Variants in ADK observed in about 807,000 individuals in gnomAD.
The protein encoded by ADK is N6,N6-dimethyladenosine kinase.
In ADK, 24 loss-of-function variants were observed where a neutral mutation model predicts 44.7. The observed-to-expected ratio is 0.54, with a 90% CI of 0.39 to 0.76. The LOEUF (loss-of-function observed/expected upper bound fraction) is 0.76. Ranked by LOEUF, ADK falls within the 30% of genes least tolerant of loss-of-function variation. ADK has a pLI of 0.00. For missense variants in ADK, 321 were observed against 425.1 expected, an observed-to-expected ratio of 0.76 and a Z score of 2.15; for synonymous variants, 128 against 142.6, an observed-to-expected ratio of 0.90 and a Z score of 0.73.
At chr10:74,414,022 G>T (rs556737160) in intron 6 of ADK, among the ~76,000 whole-genome samples, 1 of 152,266 alleles carries the variant, frequency 6.6e-6, no homozygotes, top group Admixed American at 6.5e-5. Flanking sequence ...CATCTTCTAT[G>T]GGTGTGGTTT....
chr10:74,342,663 CAG>C (rs1841619153), intron 4 of ADK, among the ~76,000 whole-genome samples: 2 of 152,046 alleles, frequency 1.3e-5, no homozygotes, highest in Non-Finnish European at 2.9e-5. Flanking sequence ...TTTGTAGAGA[CAG>C]AGTCTTGCCA....
At chr10:74,337,229 A>G (rs1841438864) in intron 4 of ADK, among the ~76,000 whole-genome samples, 1 of 152,234 alleles carries the variant, frequency 6.6e-6, no homozygotes, top group Admixed American at 6.5e-5. Context: ...AACTAACACA[A>G]TAGGTTGCTG....
At chr10:74,221,231 C>T (rs1228714862) in intron 2 of ADK, among the ~76,000 whole-genome samples, 4 of 151,736 alleles carry the variant, frequency 2.6e-5, no homozygotes, top group African/African-American at 4.9e-5. Context: ...CAATAACAGA[C>T]AAACAGAGAG....
At chr10:74,693,022 G>A (rs1392873251) in intron 10 of ADK, among the ~76,000 whole-genome samples, 2 of 152,172 alleles carry the variant, frequency 1.3e-5, no homozygotes, top group Non-Finnish European at 2.9e-5. Flanking sequence ...TGAATAGGTA[G>A]AGAGCACTGA....
chr10:74,597,612 A>G (rs1191859605), intron 8 of ADK, among the ~76,000 whole-genome samples: 1 of 150,764 alleles, frequency 6.6e-6, no homozygotes, highest in Non-Finnish European at 1.5e-5. Context: ...AGTTTGTCTG[A>G]TGTTTTCTCA....
chr10:74,168,643 C>T (rs1842091897), intron 1 of ADK, among the ~76,000 whole-genome samples: 2 of 151,506 alleles, frequency 1.3e-5, no homozygotes, highest in South Asian at 4.2e-4. Context: ...GACGGAGTCT[C>T]TCTGTGTCGC....
chr10:74,359,763 C>G (rs1286031294), intron 4 of ADK, among the ~76,000 whole-genome samples: 1 of 152,154 alleles, frequency 6.6e-6, no homozygotes, highest in African/African-American at 2.4e-5. Flanking sequence ...TAACAACAGT[C>G]TTTCAATTCC....
Position 74,261,534 on chromosome 10 carries a change from G to A in ADK, c.194+36943G>A, listed in dbSNP as rs570165788. Reference sequence around the variant, plus strand: ...GTTTTGCTCAAGCACATTCTCCAGAGCTTCCTGAGAAAAGAATATGTGAGA... The same window carrying A: ...GTTTTGCTCAAGCACATTCTCCAGAACTTCCTGAGAAAAGAATATGTGAGA... On this transcript the variant is annotated intron_variant, in intron 3 of 10. Transcript: ENST00000539909. 4.6e-5 allele frequency among the ~76,000 whole-genome samples: 7 copies of A among 152,196 alleles called. No individual in the cohort carries two copies. In the East Asian group the frequency reaches 1.4e-3, roughly 29 times the overall value.
chr10:74,231,619 C>A (rs575173415), intron 3 of ADK, among the ~76,000 whole-genome samples: 23 of 151,166 alleles, frequency 1.5e-4, no homozygotes, highest in Non-Finnish European at 3.0e-4. Flanking sequence ...CTGTGCACCA[C>A]CACACCTGGC....
intron 2 of ADK, among the ~76,000 whole-genome samples, chr10:74,215,960 T>A (rs985313883): frequency 1.5e-4 from 23 of 152,290 alleles, no homozygotes; most frequent in African/African-American, 5.5e-4. Flanking sequence ...CTGGCCTAAA[T>A]CACTCTTTTT....
At chr10:74,568,910 A>G in intron 7 of ADK, among the ~76,000 whole-genome samples, 1 of 150,918 alleles carries the variant, frequency 6.6e-6, no homozygotes, top group South Asian at 2.1e-4. Flanking sequence ...ATATCTCCAA[A>G]TGCTATCCCT....
intron 9 of ADK, among the ~76,000 whole-genome samples, chr10:74,607,989 A>G (rs181849251): frequency 2.0e-5 from 3 of 151,244 alleles, no homozygotes; most frequent in Admixed American, 6.6e-5. Flanking sequence ...TTGATCTTCA[A>G]TCTCTGATAT....
chr10:74,648,327 A>G (rs1000598520), intron 9 of ADK, among the ~76,000 whole-genome samples: 2 of 152,244 alleles, frequency 1.3e-5, no homozygotes, highest in Non-Finnish European at 1.5e-5. Flanking sequence ...AAAGGTATCT[A>G]TATAAGTAAA....
At chr10:74,213,999 TAAG>T (rs1843926419) in intron 2 of ADK, among the ~76,000 whole-genome samples, 1 of 152,220 alleles carries the variant, frequency 6.6e-6, no homozygotes, top group Non-Finnish European at 1.5e-5. Context: ...TAAGAAAAAT[TAAG>T]AATACAAAGA....
chr10:74,160,531 C>A (rs144096990), intron 1 of ADK, among the ~76,000 whole-genome samples: 1 of 152,162 alleles, frequency 6.6e-6, no homozygotes, highest in Non-Finnish European at 1.5e-5. Context: ...AGCCAAGCAC[C>A]GTCCTGGGCT....
chr10:74,180,345 C>T (rs1842495283), intron 1 of ADK, among the ~76,000 whole-genome samples: 1 of 150,280 alleles, frequency 6.7e-6, no homozygotes, highest in African/African-American at 2.4e-5. Context: ...TGAAGCCATT[C>T]TCCTGCCTCA....
intron 4 of ADK, among the ~76,000 whole-genome samples, chr10:74,323,574 C>CTT (rs869227224): frequency 2.1e-5 from 3 of 143,718 alleles, no homozygotes; most frequent in East Asian, 2.0e-4. Flanking sequence ...CTTTTCTTTT[C>CTT]TTTTTTTTTT....
At chr10:74,567,215 A>G (rs1276158428) in intron 7 of ADK, among the ~76,000 whole-genome samples, 2 of 152,134 alleles carry the variant, frequency 1.3e-5, no homozygotes, top group Non-Finnish European at 2.9e-5. Context: ...GTATCTTGGA[A>G]TTTGTCATTT....
At chr10:74,161,136 T>C (rs1313334638) in intron 1 of ADK, among the ~76,000 whole-genome samples, 3 of 152,252 alleles carry the variant, frequency 2.0e-5, no homozygotes, top group Non-Finnish European at 2.9e-5. Flanking sequence ...TGAATAACTC[T>C]TAGTGCCTCA....
Sources: allele counts gnomAD v4.1 joint callset (sites outside exome capture counted in the v4.1 genomes callset), GRCh38; gene constraint gnomAD v4.1.1; transcripts MANE v1.5; gene names NCBI Gene and HGNC (gene_info 2026-07-23, HGNC 2026-07-21).